The following RABGAP1L variants were observed in gnomAD, a reference collection of about 807,000 sequenced individuals.
RABGAP1L encodes rab GTPase-activating protein 1-like.
A neutral mutation model predicts 137.7 loss-of-function variants in RABGAP1L; 63 were observed. That is an observed-to-expected ratio of 0.46 (90% CI 0.37 to 0.56). The LOEUF (loss-of-function observed/expected upper bound fraction) is 0.56. RABGAP1L is among the 20% of genes least tolerant of loss of function. The probability of loss-of-function intolerance (pLI) is 0.00; values close to 1 mark genes in which losing one functional copy is unlikely to be tolerated. For missense variants in RABGAP1L, 1,095 were observed against 1,244.0 expected (o/e 0.88, Z 1.80); for synonymous variants, 431 against 433.7 (o/e 0.99, Z 0.08).
rs1351344493 is a variant in RABGAP1L at position 174,548,554 on chromosome 1, A to G, written c.1711-88821A>G. The G allele has an allele frequency of 5.1e-6, 5 of 975,800 alleles. No individual in the cohort carries two copies. In the African/African-American group the frequency reaches 5.3e-5, roughly 10 times the overall value. 60.4% of individuals were successfully genotyped at this position (975,800 alleles called of 1,614,324 possible). A position where few individuals can be genotyped will look rare whatever the true frequency, so the allele number is the denominator to read the frequency against. On this transcript the variant is annotated intron_variant, in intron 13 of 25. Coordinates refer to ENST00000681986, the MANE Select transcript of RABGAP1L (RefSeq NM_001366446.1). ...AGTTTTTCAAAACAGTAAAATCACT[A>G]TTTTTCATCTTTTTGTGAGATGTAC...
rs774487226 is a variant in RABGAP1L, at chr1:174,575,080, G to A, written c.1711-62295G>A. On this transcript the variant is annotated intron_variant, in intron 13 of 25. Coordinates refer to ENST00000681986, the MANE Select transcript of RABGAP1L (RefSeq NM_001366446.1). ...CGAGTAGCTGGGATTACAGGCATGC[G>A]CCACCACACCTGGCTAATTTTGTAT... Among the ~76,000 whole-genome samples the A allele has an allele frequency of 9.9e-4, 150 of 152,152 alleles. No individual in the cohort carries two copies. The Middle Eastern group carries it at 0.014, about 14-fold the overall frequency.
chr1:174,611,233 T>C (rs1451462741), intron 13 of RABGAP1L, among the ~76,000 whole-genome samples: 1 of 148,912 alleles, frequency 6.7e-6, no homozygotes, highest in Non-Finnish European at 1.5e-5. Context: ...AATTTTTGTA[T>C]AAGGTGTAAG....
intron 17 of RABGAP1L, among the ~76,000 whole-genome samples, chr1:174,742,793 C>G (rs1278288228): frequency 6.6e-6 from 1 of 152,098 alleles, no homozygotes; most frequent in Non-Finnish European, 1.5e-5. Flanking sequence ...AGGTGAATGC[C>G]AGTATTCAAT....
intron 13 of RABGAP1L, among the ~76,000 whole-genome samples, chr1:174,466,283 G>T (rs1252502170): frequency 6.6e-6 from 1 of 152,086 alleles, no homozygotes; most frequent in Non-Finnish European, 1.5e-5. Flanking sequence ...GTTCCTTGTT[G>T]TCTTTAAAGT....
chr1:174,515,171 A>G (rs1285125749), intron 13 of RABGAP1L, among the ~76,000 whole-genome samples: 5 of 152,184 alleles, frequency 3.3e-5, no homozygotes, highest in Admixed American at 6.5e-5. Flanking sequence ...AATTTACTCC[A>G]ACTGAAATTT....
chr1:174,889,639 T>G (rs1174305751), intron 19 of RABGAP1L, among the ~76,000 whole-genome samples: 1 of 152,008 alleles, frequency 6.6e-6, no homozygotes, highest in African/African-American at 2.4e-5. Flanking sequence ...CATTGTTGCT[T>G]AGGTTGGTCT....
intron 9 of RABGAP1L, among the ~76,000 whole-genome samples, chr1:174,276,297 C>T (rs1249322133): frequency 1.3e-5 from 2 of 152,108 alleles, no homozygotes; most frequent in Non-Finnish European, 2.9e-5. Flanking sequence ...CAGGTGTGTG[C>T]TGCCATGCAT....
At chr1:174,703,025 C>A (rs537226024) in intron 17 of RABGAP1L, among the ~76,000 whole-genome samples, 1 of 152,026 alleles carries the variant, frequency 6.6e-6, no homozygotes, top group African/African-American at 2.4e-5. Context: ...CAGGACTAAT[C>A]AAAAGTATAA....
intron 10 of RABGAP1L, among the ~76,000 whole-genome samples, chr1:174,280,042 C>G (rs1425475181): frequency 1.7e-5 from 2 of 118,238 alleles, no homozygotes; most frequent in South Asian, 2.9e-4. Flanking sequence ...GACTGTCTGT[C>G]TGCCTGGAGA....
chr1:174,586,325 G>C (rs1461837583), intron 13 of RABGAP1L, among the ~76,000 whole-genome samples: 1 of 150,186 alleles, frequency 6.7e-6, no homozygotes, highest in Non-Finnish European at 1.5e-5. Context: ...CGTGTTGTAA[G>C]TAGGAGCTGA....
intron 1 of RABGAP1L, among the ~76,000 whole-genome samples, chr1:174,169,738 G>A (rs189437324): frequency 3.9e-4 from 60 of 152,220 alleles, no homozygotes; most frequent in African/African-American, 1.4e-3. Flanking sequence ...TGCCCAGGCT[G>A]GAGTGCAGTG....
intron 13 of RABGAP1L, among the ~76,000 whole-genome samples, chr1:174,529,022 T>C (rs1664164740): frequency 6.6e-6 from 1 of 151,144 alleles, no homozygotes; most frequent in African/African-American, 2.4e-5. Flanking sequence ...TCTATCTCTT[T>C]GGTATATTTC....
chr1:174,982,055 A>G (rs769515527), intron 23 of RABGAP1L, among the ~76,000 whole-genome samples: 15 of 152,190 alleles, frequency 9.9e-5, no homozygotes, highest in Non-Finnish European at 2.1e-4. Context: ...TTTAATTTCT[A>G]TGCTATGTTG....
chr1:174,804,243 TG>T (rs1218975487), intron 18 of RABGAP1L, among the ~76,000 whole-genome samples: 1 of 101,138 alleles, frequency 9.9e-6, no homozygotes, highest in African/African-American at 2.7e-5. Context: ...TCCCTGCGGA[TG>T]TTTTTTTTTT....
At chr1:174,557,097 G>T (rs1049980444) in intron 13 of RABGAP1L, among the ~76,000 whole-genome samples, 1 of 152,160 alleles carries the variant, frequency 6.6e-6, no homozygotes, top group South Asian at 2.1e-4. Flanking sequence ...AGGTCAGCCC[G>T]ACTGGCTTGT....
intron 12 of RABGAP1L, among the ~76,000 whole-genome samples, chr1:174,383,975 T>C (rs1467189508): frequency 6.6e-6 from 1 of 152,194 alleles, no homozygotes; most frequent in East Asian, 1.9e-4. Context: ...AAAACCTGTA[T>C]GTGAATGTTT....
chr1:174,617,931 G>A lies in RABGAP1L; in HGVS notation c.1711-19444G>A, dbSNP rs190577065. 1.6e-3 allele frequency among the ~76,000 whole-genome samples: 239 copies of A among 152,190 alleles called. 1 individual carries two copies. The highest frequency in any genetic ancestry group is 2.9e-3 in the Non-Finnish European group (198 of 67,958). On this transcript the variant is annotated intron_variant, in intron 13 of 25. Transcript: ENST00000681986. ...TGACATATGGCACCTGGAAAATCGG[G>A]TCACTCCCACCCGAATACTGCACTT...
intron 17 of RABGAP1L, among the ~76,000 whole-genome samples, chr1:174,747,154 G>A (rs1335359097): frequency 6.6e-6 from 1 of 152,086 alleles, no homozygotes; most frequent in Non-Finnish European, 1.5e-5. Flanking sequence ...TGTAATCCCA[G>A]CATGTTGTGA....
intron 19 of RABGAP1L, among the ~76,000 whole-genome samples, chr1:174,858,623 A>G (rs1649712332): frequency 6.6e-6 from 1 of 152,158 alleles, no homozygotes; most frequent in Non-Finnish European, 1.5e-5. Context: ...ATTTAATTCT[A>G]GAGGTTGTGA....
Sources: gnomAD v4.1 joint callset for allele counts (sites outside exome capture counted in the v4.1 genomes callset) on GRCh38, gnomAD v4.1.1 for gene constraint, MANE v1.5 for transcripts, NCBI Gene and HGNC (gene_info 2026-07-23, HGNC 2026-07-21) for gene names.